Variants in ABHD18 observed in about 807,000 individuals in gnomAD.
The protein encoded by ABHD18 is abhydrolase domain containing 18.
In ABHD18, 55 loss-of-function variants were observed where a neutral mutation model predicts 65.9. That is an observed-to-expected ratio of 0.84 (90% confidence interval 0.67 to 1.05). The LOEUF (loss-of-function observed/expected upper bound fraction) is 1.05. Among genes scored for constraint, ABHD18 ranks in the 50% least tolerant of loss-of-function variants. The pLI is 0.00. For missense variants in ABHD18, 533 were observed against 558.5 expected, an observed-to-expected ratio of 0.95 and a Z score of 0.46; for synonymous variants, 181 against 180.2, an observed-to-expected ratio of 1.00 and a Z score of -0.04.
At chr4:128,012,402 C>T (rs1026995100) in intron 7 of ABHD18, among the ~76,000 whole-genome samples, 9 of 152,156 alleles carry the variant, frequency 5.9e-5, no homozygotes, top group South Asian at 2.1e-4. Flanking sequence ...AACTCCAAGG[C>T]ATTTCCATAA....
chr4:127,968,151 A>G (rs563725791), intron 1 of ABHD18, among the ~76,000 whole-genome samples: 1 of 152,358 alleles, frequency 6.6e-6, no homozygotes, highest in Non-Finnish European at 1.5e-5. Context: ...CGGAGCTTGT[A>G]GTGAGCCGAG....
At chr4:128,030,440 T>G in intron 11 of ABHD18, 70 bp from the exon 12 acceptor site, 1 of 1,083,350 alleles carries the variant, frequency 9.2e-7, no homozygotes. Context: ...AATGTTTTAT[T>G]TACTGCATTG....
chr4:127,984,743 C>G (rs1387917500), intron 3 of ABHD18, among the ~76,000 whole-genome samples: 1 of 152,162 alleles, frequency 6.6e-6, no homozygotes. Context: ...GCCTGTAATC[C>G]CAGCTACTCG....
chr4:128,021,160 T>C lies in ABHD18; in HGVS notation c.723T>C (p.Asn241=), dbSNP rs756691805. 3.0e-5 allele frequency: 47 copies of C among 1,547,784 alleles called. No individual in the cohort carries two copies. Among genetic ancestry groups the C allele is most frequent in the Admixed American group, 3.9e-5 (2 of 50,910 alleles). The change falls in exon 10 of 13, where the codon AAT becomes AAC. Residue 241 remains asparagine (N), a synonymous_variant. Transcript: ENST00000645843. ...AGGGTGTGTTGAGTAAATCAATTAA[T>C]TGGAGGGAGCTGGAAAAGCAATATT... ...FTTGVLSKSI[N]WRELEKQYYT...
intron 4 of ABHD18, among the ~76,000 whole-genome samples, chr4:127,997,680 C>T (rs1394606472): frequency 6.6e-6 from 1 of 152,146 alleles, no homozygotes; most frequent in African/African-American, 2.4e-5. Context: ...TACCACCTGG[C>T]GGCAGTAGGC....
intron 1 of ABHD18, among the ~76,000 whole-genome samples, chr4:127,979,364 G>C (rs1317618489): frequency 6.6e-6 from 1 of 151,964 alleles, no homozygotes; most frequent in African/African-American, 2.4e-5. Flanking sequence ...GACCATCCTT[G>C]CTAACATGGT....
intron 6 of ABHD18, among the ~76,000 whole-genome samples, chr4:128,010,054 T>C (rs1296265561): frequency 6.6e-6 from 1 of 152,224 alleles, no homozygotes; most frequent in Non-Finnish European, 1.5e-5. Context: ...TTGGACATGT[T>C]ACATAACCTT....
chr4:127,994,856 A>AG (rs1751483521), intron 4 of ABHD18, among the ~76,000 whole-genome samples: 1 of 152,150 alleles, frequency 6.6e-6, no homozygotes, highest in Admixed American at 6.6e-5. Context: ...TTAGGGATAA[A>AG]GCACTCATTT....
intron 1 of ABHD18, among the ~76,000 whole-genome samples, chr4:127,978,849 T>C (rs1188106980): frequency 6.6e-6 from 1 of 152,108 alleles, no homozygotes; most frequent in Non-Finnish European, 1.5e-5. Flanking sequence ...CCACTGTAAA[T>C]AGAAAATATT....
At chr4:127,976,845 T>C (rs1459152195) in intron 1 of ABHD18, among the ~76,000 whole-genome samples, 1 of 151,960 alleles carries the variant, frequency 6.6e-6, no homozygotes, top group Non-Finnish European at 1.5e-5. Context: ...ATCAAGACCA[T>C]CCTGGCTAAC....
At chr4:127,966,172 A>G (rs1466770417) in intron 1 of ABHD18, 1 of 152,182 alleles carries the variant, frequency 6.6e-6, no homozygotes, top group Non-Finnish European at 1.5e-5. Flanking sequence ...GTGGTTATGT[A>G]TTAACATCTT....
In ABHD18 at chr4:127,973,817, C is replaced by CAAAA. The variant is rs57170719; in HGVS notation, c.-18+8236_-18+8239dup. Among the ~76,000 whole-genome samples the CAAAA allele has an allele frequency of 7.2e-4, 12 of 16,640 alleles. 1 individual carries two copies. The highest frequency in any genetic ancestry group is 1.1e-3 in the Non-Finnish European group (8 of 7,186). 10.9% of individuals were successfully genotyped at this position (16,640 alleles called of 152,430 possible). ...AGGCTGGCCTCTGGCTGATGAACAG[C>CAAAA]AAAAAAAAAAAAAAAAAAAAAAAAA... is the stretch of plus-strand genomic sequence containing the variant. On this transcript the variant is annotated intron_variant, in intron 1 of 12. Coordinates refer to ENST00000645843, the MANE Select transcript of ABHD18 (RefSeq NM_001358451.3).
intron 2 of ABHD18, among the ~76,000 whole-genome samples, chr4:127,983,562 C>T (rs976632607): frequency 1.3e-4 from 20 of 152,000 alleles, no homozygotes; most frequent in African/African-American, 4.8e-4. Flanking sequence ...GTAAAACCAT[C>T]TCTACTAAAC....
At chr4:128,008,730 CAGAA>C (rs1390209728) in intron 4 of ABHD18, among the ~76,000 whole-genome samples, 186 bp from the exon 5 acceptor site, 2 of 152,082 alleles carry the variant, frequency 1.3e-5, no homozygotes, top group Admixed American at 1.3e-4. Context: ...AATATCCTAA[CAGAA>C]AGCAGATTTA....
chr4:127,981,621 G>A (rs1224190499), intron 1 of ABHD18, among the ~76,000 whole-genome samples: 1 of 152,022 alleles, frequency 6.6e-6, no homozygotes, highest in African/African-American at 2.4e-5. Context: ...GTTCATCTAT[G>A]GTGAACTGCA....
chr4:128,030,920 T>C, intron 12 of ABHD18: 1 of 1,165,128 alleles, frequency 8.6e-7, no homozygotes. Flanking sequence ...TTTCCCCTCT[T>C]CAAATATTAA....
At chr4:128,035,192 TGC>T (rs1758747060) in intron 12 of ABHD18, among the ~76,000 whole-genome samples, 1 of 152,194 alleles carries the variant, frequency 6.6e-6, no homozygotes, top group South Asian at 2.1e-4. Context: ...TACACACATG[TGC>T]CTCTGTGTGC....
chr4:128,034,596 A>C (rs1190421072), intron 12 of ABHD18, among the ~76,000 whole-genome samples: 3 of 152,090 alleles, frequency 2.0e-5, no homozygotes, highest in Non-Finnish European at 4.4e-5. Flanking sequence ...AAAAAAAAGA[A>C]AAAAGAAAAG....
chr4:128,010,899 C>T (rs1187297209), intron 6 of ABHD18, among the ~76,000 whole-genome samples: 6 of 138,606 alleles, frequency 4.3e-5, no homozygotes, highest in South Asian at 2.2e-4. Context: ...AGCAAGACTG[C>T]GCCTCAAAAA....
Sources: allele counts gnomAD v4.1 joint callset (sites outside exome capture counted in the v4.1 genomes callset), GRCh38; gene constraint gnomAD v4.1.1; transcripts MANE v1.5; gene names NCBI Gene and HGNC (gene_info 2026-07-23, HGNC 2026-07-21).